NAALADL2: variants seen among roughly 807,000 people sequenced by gnomAD.
NAALADL2 encodes the protein N-acetylated alpha-linked acidic dipeptidase like 2, also known as inactive N-acetylated-alpha-linked acidic dipeptidase-like protein 2.
NAALADL2 carries 76 observed loss-of-function variants against 87.2 expected under a neutral mutation model. The ratio of observed to expected loss-of-function variants is 0.87; its 90% CI spans 0.72 to 1.05. The LOEUF (loss-of-function observed/expected upper bound fraction) is 1.05, where lower values mean the gene tolerates loss of function less well. Ranked by LOEUF, NAALADL2 falls within the 50% of genes least tolerant of loss-of-function variation. The pLI is 0.00. For synonymous variants in NAALADL2, 354 were observed against 331.0 expected (o/e 1.07, Z -0.75); for missense variants, 1,089 against 945.8 (o/e 1.15, Z -1.99).
At chr3:175,350,259 A>C (rs148793379) in intron 5 of NAALADL2, among the ~76,000 whole-genome samples, 21 of 152,292 alleles carry the variant, frequency 1.4e-4, no homozygotes, top group African/African-American at 5.1e-4. Context: ...AGGCAGTAAA[A>C]ATATACTCCT....
At chr3:175,783,434 T>C (rs1481398239) in intron 13 of NAALADL2, among the ~76,000 whole-genome samples, 2 of 151,330 alleles carry the variant, frequency 1.3e-5, no homozygotes, top group Non-Finnish European at 2.9e-5. Context: ...CCCTTGTAAG[T>C]TGGATTCCTA....
At chr3:175,173,717 T>C (rs2108931762) in intron 2 of NAALADL2, among the ~76,000 whole-genome samples, 1 of 152,344 alleles carries the variant, frequency 6.6e-6, no homozygotes, top group Middle Eastern at 3.4e-3. Flanking sequence ...GCTTTCCTTT[T>C]ATTAATTGCA....
At chr3:175,490,079 G>A (rs1335944837) in intron 9 of NAALADL2, among the ~76,000 whole-genome samples, 1 of 152,104 alleles carries the variant, frequency 6.6e-6, no homozygotes, top group Non-Finnish European at 1.5e-5. Context: ...ACAATGATCA[G>A]TTCATGGATG....
intron 5 of NAALADL2, among the ~76,000 whole-genome samples, chr3:175,341,469 A>G (rs537261017): frequency 2.6e-5 from 4 of 152,100 alleles, no homozygotes; most frequent in Non-Finnish European, 4.4e-5. Flanking sequence ...AAATATTCAC[A>G]TATACGTTTT....
intron 2 of NAALADL2, among the ~76,000 whole-genome samples, chr3:175,176,859 C>A (rs1366661294): frequency 1.3e-5 from 2 of 150,848 alleles, no homozygotes; most frequent in African/African-American, 5.0e-5. Flanking sequence ...ATTTTAGCGC[C>A]ACAAAATCAG....
intron 2 of NAALADL2, among the ~76,000 whole-genome samples, chr3:174,703,358 TG>T (rs959800285): frequency 4.6e-5 from 7 of 151,460 alleles, no homozygotes; most frequent in Non-Finnish European, 7.4e-5. Flanking sequence ...GAGTGATAAT[TG>T]TTTTTAATAC....
intron 1 of NAALADL2, among the ~76,000 whole-genome samples, chr3:175,042,103 C>T (rs1754140469): frequency 6.6e-6 from 1 of 152,142 alleles, no homozygotes; most frequent in African/African-American, 2.4e-5. Flanking sequence ...CCCAGGGCAA[C>T]CATCATTTTA....
chr3:174,861,984 A>T (rs375761819), intron 1 of NAALADL2, among the ~76,000 whole-genome samples: 20 of 152,108 alleles, frequency 1.3e-4, no homozygotes, highest in African/African-American at 4.8e-4. Context: ...TTTCAAACAT[A>T]AAAAGGAATC....
chr3:175,494,576 T>C (rs73045071), intron 9 of NAALADL2, among the ~76,000 whole-genome samples: 15,468 of 152,132 alleles, frequency 0.1, 990 homozygotes, highest in African/African-American at 0.17. Flanking sequence ...TCTCAGAGTA[T>C]AGCATAAGTT....
intron 10 of NAALADL2, among the ~76,000 whole-genome samples, chr3:175,618,893 C>T (rs1032243606): frequency 7.2e-5 from 11 of 152,056 alleles, no homozygotes; most frequent in Admixed American, 2.6e-4. Flanking sequence ...TGGATGTGCA[C>T]GAGTTCTCCA....
intron 2 of NAALADL2, among the ~76,000 whole-genome samples, chr3:174,718,980 T>C (rs975128151): frequency 6.6e-6 from 1 of 152,158 alleles, no homozygotes; most frequent in African/African-American, 2.4e-5. Flanking sequence ...TGGTTGTTCT[T>C]GAAGCCATTC....
chr3:175,692,130 T>G (rs1205518429), intron 11 of NAALADL2, among the ~76,000 whole-genome samples: 1 of 152,142 alleles, frequency 6.6e-6, no homozygotes, highest in South Asian at 2.1e-4. Context: ...TTGTAGGTTG[T>G]TTGTTTTTCC....
intron 1 of NAALADL2, among the ~76,000 whole-genome samples, chr3:174,897,623 C>G (rs1314982463): frequency 3.9e-5 from 6 of 152,082 alleles, no homozygotes. Context: ...CCTCAGAAAA[C>G]TAGAAATATA....
intron 2 of NAALADL2, among the ~76,000 whole-genome samples, chr3:174,691,746 A>C (rs944205219): frequency 6.6e-6 from 1 of 152,214 alleles, no homozygotes; most frequent in Non-Finnish European, 1.5e-5. Flanking sequence ...CTGCTGCTTT[A>C]AAAAGTAAGT....
chr3:175,750,297 G>T (rs1305344289), intron 12 of NAALADL2, among the ~76,000 whole-genome samples: 2 of 152,062 alleles, frequency 1.3e-5, no homozygotes, highest in African/African-American at 2.4e-5. Flanking sequence ...TGAGCAAAAG[G>T]CTTTTGTTTT....
At chr3:175,007,319 T>C (rs1264086287) in intron 1 of NAALADL2, among the ~76,000 whole-genome samples, 1 of 152,058 alleles carries the variant, frequency 6.6e-6, no homozygotes, top group African/African-American at 2.4e-5. Context: ...ATGGTTGCAG[T>C]TGTGTTGAAA....
intron 9 of NAALADL2, among the ~76,000 whole-genome samples, chr3:175,525,159 C>G (rs1301242174): frequency 6.6e-5 from 10 of 151,886 alleles, no homozygotes; most frequent in Admixed American, 5.3e-4. Context: ...TTTCCTATTG[C>G]TTTTGAAGTT....
At chr3:175,213,821 T>C (rs906059146) in intron 2 of NAALADL2, among the ~76,000 whole-genome samples, 1 of 152,166 alleles carries the variant, frequency 6.6e-6, no homozygotes, top group Non-Finnish European at 1.5e-5. Flanking sequence ...GCAGAGTAGA[T>C]ATTTGAACAC....
At chr3:174,564,401 G>A (rs1316453944) in intron 2 of NAALADL2, among the ~76,000 whole-genome samples, 2 of 152,110 alleles carry the variant, frequency 1.3e-5, no homozygotes, top group Non-Finnish European at 1.5e-5. Context: ...TAACAAGGTA[G>A]GGATGGAGAC....
Sources: allele counts gnomAD v4.1 joint callset (sites outside exome capture counted in the v4.1 genomes callset), GRCh38; gene constraint gnomAD v4.1.1; transcripts MANE v1.5; gene names NCBI Gene and HGNC (gene_info 2026-07-23, HGNC 2026-07-21).